Variants in MYBPC2 observed in about 807,000 individuals in gnomAD.
The protein encoded by MYBPC2 is myosin binding protein C2, also known as myosin-binding protein C, fast-type.
A neutral mutation model predicts 137.0 loss-of-function variants in MYBPC2; 122 were observed. That is an observed-to-expected ratio of 0.89 (90% CI 0.77 to 1.03). The LOEUF (loss-of-function observed/expected upper bound fraction) is 1.03, where lower values mean the gene tolerates loss of function less well. Ranked by LOEUF, MYBPC2 falls within the 50% of genes least tolerant of loss-of-function variation. MYBPC2 has a pLI of 0.00. For synonymous variants in MYBPC2, 626 were observed against 612.3 expected, an observed-to-expected ratio of 1.02 and a Z score of -0.33; for missense variants, 1,500 against 1,534.4, an observed-to-expected ratio of 0.98 and a Z score of 0.37.
chr19:50,459,066 G>A (rs1007408355), intron 22 of MYBPC2, 45 bp from the exon 23 acceptor site: 1 of 1,559,622 alleles, frequency 6.4e-7, no homozygotes, highest in Non-Finnish European at 8.7e-7. Flanking sequence ...CCTTTTTGCG[G>A]GTGGAGCCCC....
At chr19:50,459,401 G>A (rs1351188493) in intron 23 of MYBPC2, 95 bp downstream of exon 23, 3 of 1,300,192 alleles carry the variant, frequency 2.3e-6, no homozygotes, top group South Asian at 1.4e-5. Flanking sequence ...GGAAGGAGGT[G>A]GGAGATGAAG....
chr19:50,458,530 C>A, intron 20 of MYBPC2, 57 bp from the exon 21 acceptor site: 1 of 1,582,862 alleles, frequency 6.3e-7, no homozygotes. Context: ...CCGGGAGAAA[C>A]GGGAGCGGAG....
intron 18 of MYBPC2, 86 bp from the exon 19 acceptor site, chr19:50,455,022 C>A: frequency 7.6e-7 from 1 of 1,318,470 alleles, no homozygotes; most frequent in Non-Finnish European, 1.0e-6. Context: ...GCCATGCGAT[C>A]CTCTGGATGT....
chr19:50,443,936 C>A, intron 11 of MYBPC2, 120 bp downstream of exon 11: 1 of 904,284 alleles, frequency 1.1e-6, no homozygotes, highest in Non-Finnish European at 1.7e-6. Context: ...ACTCAGTAGT[C>A]ATCCCCAGGA....
chr19:50,448,983 G>A (rs976468617), intron 13 of MYBPC2, among the ~76,000 whole-genome samples: 8 of 151,724 alleles, frequency 5.3e-5, no homozygotes, highest in African/African-American at 1.9e-4. Flanking sequence ...ACCCACCTCG[G>A]CCTCCCAAAG....
intron 12 of MYBPC2, among the ~76,000 whole-genome samples, chr19:50,447,178 A>G (rs188996206): frequency 9.2e-5 from 14 of 152,048 alleles, no homozygotes; most frequent in Non-Finnish European, 1.6e-4. Context: ...CATAAGTGAG[A>G]TGGTGAAAAG....
chr19:50,441,135 G>A (rs1309287333), intron 8 of MYBPC2, 59 bp downstream of exon 8: 19 of 1,480,698 alleles, frequency 1.3e-5, no homozygotes, highest in African/African-American at 2.8e-5. Context: ...AGCCTTGTGG[G>A]TGTCTAATGA....
chr19:50,436,641 GGGAAGGT>G lies in MYBPC2; in HGVS notation c.373_379del (p.Lys125TyrfsTer39). On this transcript the variant is annotated frameshift_variant, in exon 5 of 28. Transcript: ENST00000357701. LOFTEE classifies it high-confidence loss of function. ...GGTGTACACCGTGGAGCTGCACATT[GGGAAGGT>G]GGTACTGGGGGACCGTGGGTATTAC... 1 of 1,613,960 alleles carries G rather than the reference GGGAAGGT, an allele frequency of 6.2e-7. No individual in the cohort carries two copies. Among genetic ancestry groups the G allele is most frequent in the Middle Eastern group, 1.7e-4 (1 of 6,060 alleles).
rs542598017 is a variant in MYBPC2, at chr19:50,461,794, T to C, written c.3091+93T>C. ...TCCTGCCCTCCCCTCCCCACTGGGG[T>C]TGACGGCACCTAGTCATGGGAGAGA... On this transcript the variant is annotated intron_variant, in intron 25 of 27. Transcript: ENST00000357701. The C allele has an allele frequency of 2.3e-4, 364 of 1,586,996 alleles. 1 individual carries two copies. The Middle Eastern group carries it at 2.3e-3, about 10-fold the overall frequency.
rs375821489 is a variant in MYBPC2, at chr19:50,454,001, A to G, written c.1750-19A>G. 7.0e-6 allele frequency: 11 copies of G among 1,577,376 alleles called. No individual in the cohort carries two copies. In the African/African-American group the frequency reaches 8.1e-5, roughly 12 times the overall value. ...TGGGGACACGATGGGGTGCAAGGCC[A>G]TCTGGTGGCTGCGTTCAGGTATTCA... On this transcript the variant is annotated intron_variant, in intron 16 of 27. Coordinates refer to ENST00000357701, the MANE Select transcript of MYBPC2 (RefSeq NM_004533.4).
At chr19:50,444,132 GTCCA>G (rs3087049) in intron 11 of MYBPC2, among the ~76,000 whole-genome samples, 33,244 of 144,332 alleles carry the variant, frequency 0.23, 3,924 homozygotes, top group Middle Eastern at 0.35. Flanking sequence ...CATCCACCCA[GTCCA>G]TCCATCCATC....
chr19:50,455,898 ATTTATCT>A (rs761411279), intron 20 of MYBPC2, among the ~76,000 whole-genome samples: 13 of 151,758 alleles, frequency 8.6e-5, no homozygotes, highest in Admixed American at 2.0e-4. Flanking sequence ...CCATCCCCCC[ATTTATCT>A]TTTATCTTTT....
chr19:50,441,578 G>A lies in MYBPC2; in HGVS notation c.769+502G>A, dbSNP rs145684367. 4.0e-3 allele frequency among the ~76,000 whole-genome samples: 607 copies of A among 152,218 alleles called. 5 individuals carry two copies. The highest frequency in any genetic ancestry group is 0.014 in the African/African-American group (585 of 41,546). On this transcript the variant is annotated intron_variant, in intron 8 of 27. Coordinates refer to ENST00000357701, the MANE Select transcript of MYBPC2 (RefSeq NM_004533.4). The stretch of plus-strand genomic sequence containing the variant: ...TTTCAGGCTGGGTGCAGTGGCTCAC[G>A]CCTGTAATCTCAGCACTTTGGGAGG...
intron 12 of MYBPC2, among the ~76,000 whole-genome samples, 159 bp from the exon 13 acceptor site, chr19:50,448,066 C>T (rs1350987099): frequency 6.6e-6 from 1 of 152,176 alleles, no homozygotes; most frequent in Non-Finnish European, 1.5e-5. Flanking sequence ...CTGTCTCCCA[C>T]TAGCATGGGA....
Position 50,435,703 on chromosome 19 carries a change from T to G in MYBPC2, c.110-73T>G. ...GGGCCCTCACTGTCTCTAAGTCCTTTCCCCAAAGCGGCCCACTGTCCCCTC... is the reference window on the plus strand; with the variant it reads ...GGGCCCTCACTGTCTCTAAGTCCTTGCCCCAAAGCGGCCCACTGTCCCCTC... On this transcript the variant is annotated intron_variant, in intron 2 of 27. Transcript: ENST00000357701. This position sits in a 1 kb window ranked among gnomAD's most constrained non-coding sequence, Gnocchi z 4.8. The G allele has an allele frequency of 7.7e-7, 1 of 1,292,222 alleles. No homozygotes were observed. The highest frequency in any genetic ancestry group is 1.1e-6 in the Non-Finnish European group (1 of 938,196). 80.0% of individuals were successfully genotyped at this position (1,292,222 alleles called of 1,614,324 possible). A position where few individuals can be genotyped will look rare whatever the true frequency, so the allele number is the denominator to read the frequency against.
In MYBPC2 at chr19:50,462,019, G is replaced by A. The variant is rs987943246; in HGVS notation, c.3211G>A (p.Val1071Ile). 13 of 1,572,506 alleles carry A rather than the reference G, an allele frequency of 8.3e-6. No individual in the cohort carries two copies. The highest frequency in any genetic ancestry group is 9.5e-6 in the Non-Finnish European group (11 of 1,158,990). ...GTACTCGGCAGCCCTCAACTGTGCT[G>A]TCAGAGGCCACCCGAAGGTGCCAGG... Reference protein sequence around the residue: ...AGYSAALNCAVRGHPKPKVVW... With the variant: ...AGYSAALNCAIRGHPKPKVVW... The change falls in exon 26 of 28, where the codon GTC becomes ATC. Residue 1071 changes from valine (V) to isoleucine (I), a missense_variant. Transcript: ENST00000357701.
chr19:50,437,326 T>C lies in MYBPC2; in HGVS notation c.464-147T>C, dbSNP rs2122578513. ...TATGAGCTGGTCTAGAACTAGAGGA[T>C]GCCCAGGCCTGAGCAAGGTTGTGCT... is the stretch of plus-strand genomic sequence containing the variant. On this transcript the variant is annotated intron_variant, in intron 5 of 27. Transcript: ENST00000357701. 9 of 826,458 alleles carry C rather than the reference T, an allele frequency of 1.1e-5. No individual in the cohort carries two copies. In the South Asian group the frequency reaches 1.2e-4, roughly 11 times the overall value. 51.2% of individuals were successfully genotyped at this position (826,458 alleles called of 1,614,324 possible).
chr19:50,433,101 C>A, intron 1 of MYBPC2, 129 bp downstream of exon 1: 1 of 1,216,068 alleles, frequency 8.2e-7, no homozygotes, highest in Non-Finnish European at 1.1e-6. Flanking sequence ...GCTCCCTTTG[C>A]TGTGCGGGAT....
intron 11 of MYBPC2, among the ~76,000 whole-genome samples, chr19:50,445,079 T>C (rs1219805789): frequency 9.9e-5 from 15 of 151,966 alleles, no homozygotes; most frequent in Non-Finnish European, 1.2e-4. Context: ...GGAGCAGTAA[T>C]GGATGTTGTA....
Sources: gnomAD v4.1 joint callset for allele counts (sites outside exome capture counted in the v4.1 genomes callset) on GRCh38, gnomAD v4.1.1 for gene constraint, Gnocchi (gnomAD v3.1) non-coding constraint, MANE v1.5 for transcripts, NCBI Gene and HGNC (gene_info 2026-07-23, HGNC 2026-07-21) for gene names.